The following ATP8A2 variants were observed in gnomAD, a reference collection of about 807,000 sequenced individuals.
ATP8A2 encodes phospholipid-transporting ATPase IB.
In ATP8A2, 100 loss-of-function variants were observed where a neutral mutation model predicts 165.6. The ratio of observed to expected loss-of-function variants is 0.60; its 90% CI spans 0.51 to 0.71. The LOEUF is 0.71. Among genes scored for constraint, ATP8A2 ranks in the 30% least tolerant of loss-of-function variants. The probability of loss-of-function intolerance (pLI) is 0.00; values close to 1 mark genes in which losing one functional copy is unlikely to be tolerated. For missense variants in ATP8A2, 1,227 were observed against 1,479.5 expected, an observed-to-expected ratio of 0.83 and a Z score of 2.80; for synonymous variants, 543 against 548.8, an observed-to-expected ratio of 0.99 and a Z score of 0.15.
intron 33 of ATP8A2, among the ~76,000 whole-genome samples, chr13:25,885,106 T>C (rs1953103425): frequency 9.6e-6 from 1 of 104,636 alleles, no homozygotes; most frequent in Admixed American, 1.1e-4. Context: ...CTCCGCTTGC[T>C]TTTTTTTTTT....
chr13:25,918,085 C>A (rs774309299), intron 33 of ATP8A2, among the ~76,000 whole-genome samples: 1 of 152,192 alleles, frequency 6.6e-6, no homozygotes, highest in Non-Finnish European at 1.5e-5. Flanking sequence ...TCAATGAATT[C>A]ATCACTTGTA....
intron 9 of ATP8A2, among the ~76,000 whole-genome samples, chr13:25,542,623 C>T (rs2038517670): frequency 6.6e-6 from 1 of 152,120 alleles, no homozygotes; most frequent in South Asian, 2.1e-4. Flanking sequence ...ATGCCCCCTC[C>T]AACCCTGTAA....
intron 24 of ATP8A2, among the ~76,000 whole-genome samples, chr13:25,652,627 A>T (rs76629820): frequency 0.034 from 5,250 of 152,208 alleles, 158 homozygotes; most frequent in East Asian, 0.13. Flanking sequence ...TTGTTAAGAT[A>T]ATTTCTTCTG....
At chr13:25,576,981 A>G in intron 19 of ATP8A2, 88 bp from the exon 20 acceptor site, 1 of 1,031,320 alleles carries the variant, frequency 9.7e-7, no homozygotes, top group Non-Finnish European at 1.5e-6. Flanking sequence ...GGAACCCCAG[A>G]CCCCCTTTTG....
At chr13:25,718,175 A>T (rs2043296139) in intron 25 of ATP8A2, among the ~76,000 whole-genome samples, 1 of 151,888 alleles carries the variant, frequency 6.6e-6, no homozygotes. Flanking sequence ...TAGGATAATA[A>T]CATTGGGAAA....
intron 27 of ATP8A2, among the ~76,000 whole-genome samples, chr13:25,790,105 C>A (rs1332788506): frequency 6.6e-6 from 1 of 152,010 alleles, no homozygotes; most frequent in Non-Finnish European, 1.5e-5. Flanking sequence ...AATGTAAAAC[C>A]CAAAGCTATA....
intron 24 of ATP8A2, among the ~76,000 whole-genome samples, chr13:25,645,494 C>T (rs573968198): frequency 6.6e-6 from 1 of 152,118 alleles, no homozygotes; most frequent in Non-Finnish European, 1.5e-5. Context: ...TTCCTTGAGG[C>T]ATAATATTAA....
intron 24 of ATP8A2, among the ~76,000 whole-genome samples, chr13:25,692,071 C>T (rs193032291): frequency 5.3e-5 from 8 of 152,010 alleles, no homozygotes; most frequent in East Asian, 1.9e-4. Flanking sequence ...GGGCAGGGAA[C>T]GATCTGAAGA....
At chr13:25,835,573 C>T (rs142543929) in intron 28 of ATP8A2, among the ~76,000 whole-genome samples, 48 of 152,092 alleles carry the variant, frequency 3.2e-4, no homozygotes, top group South Asian at 8.3e-4. Context: ...ATTTGAGGGA[C>T]GCTCAGCAGC....
intron 25 of ATP8A2, among the ~76,000 whole-genome samples, chr13:25,739,185 T>C (rs1384470052): frequency 6.6e-6 from 1 of 152,162 alleles, no homozygotes; most frequent in African/African-American, 2.4e-5. Context: ...TGAACTGGAG[T>C]GTCAGCCTTC....
chr13:25,539,290 C>T (rs949442565), intron 7 of ATP8A2, among the ~76,000 whole-genome samples: 1 of 151,880 alleles, frequency 6.6e-6, no homozygotes, highest in South Asian at 2.1e-4. Flanking sequence ...TGTAGAGGCT[C>T]ATTTTTAAAA....
chr13:25,653,898 G>A (rs1183854448), intron 24 of ATP8A2, among the ~76,000 whole-genome samples: 1 of 152,122 alleles, frequency 6.6e-6, no homozygotes, highest in Non-Finnish European at 1.5e-5. Context: ...GAAGAGGTGT[G>A]ATTGGCATCA....
intron 35 of ATP8A2, among the ~76,000 whole-genome samples, chr13:25,979,176 C>T (rs1402538442): frequency 6.6e-6 from 1 of 152,170 alleles, no homozygotes; most frequent in Non-Finnish European, 1.5e-5. Context: ...TGAATGACAT[C>T]ATTGGCCTTG....
intron 33 of ATP8A2, among the ~76,000 whole-genome samples, chr13:25,899,203 G>A (rs945783577): frequency 2.6e-5 from 4 of 152,186 alleles, no homozygotes; most frequent in Non-Finnish European, 4.4e-5. Flanking sequence ...TATTGCTGGC[G>A]AGCGTGGAAA....
intron 25 of ATP8A2, among the ~76,000 whole-genome samples, chr13:25,726,576 C>G (rs2043498302): frequency 1.3e-5 from 2 of 152,148 alleles, no homozygotes; most frequent in East Asian, 3.9e-4. Context: ...CTTCTGTTGT[C>G]ACATTGCTTT....
intron 1 of ATP8A2, among the ~76,000 whole-genome samples, chr13:25,398,327 T>C (rs530158539): frequency 2.0e-4 from 31 of 152,320 alleles, no homozygotes; most frequent in African/African-American, 7.2e-4. Flanking sequence ...TCTACTTTAA[T>C]GTTAATGATG....
At chr13:25,647,357 C>T (rs537221376) in intron 24 of ATP8A2, among the ~76,000 whole-genome samples, 1 of 152,290 alleles carries the variant, frequency 6.6e-6, no homozygotes, top group South Asian at 2.1e-4. Context: ...GGAAAGACAG[C>T]TTTGCTATGT....
chr13:25,558,582 GC>G (rs1163354507), intron 13 of ATP8A2, among the ~76,000 whole-genome samples: 2 of 151,998 alleles, frequency 1.3e-5, no homozygotes, highest in Non-Finnish European at 2.9e-5. Flanking sequence ...AAGTCCTGAC[GC>G]CTTTTTGGAA....
chr13:25,968,652 C>T lies in ATP8A2; in HGVS notation c.3350C>T (p.Ala1117Val), dbSNP rs368163155. 32 of 1,613,464 alleles carry T rather than the reference C, an allele frequency of 2.0e-5. No homozygotes were observed. Among genetic ancestry groups the T allele is most frequent in the Middle Eastern group, 1.6e-4 (1 of 6,084 alleles). The change falls in exon 35 of 37, where the codon GCG becomes GTG. Residue 1117 changes from alanine (A) to valine (V), a missense_variant. Physicochemically the swap from Ala to Val is moderately conservative, Grantham distance 64. Coordinates refer to ENST00000381655, the MANE Select transcript of ATP8A2 (RefSeq NM_016529.6). Reference sequence around the variant, plus strand: ...ACCAAGTCTCGAGTCCTGGGAAAAGCGGTGCTGCGGGATAGCAATGGAAAG... The same window carrying T: ...ACCAAGTCTCGAGTCCTGGGAAAAGTGGTGCTGCGGGATAGCAATGGAAAG... ...LETKSRVLGKAVLRDSNGKRL... is the reference protein window; with the variant it reads ...LETKSRVLGKVVLRDSNGKRL...
Sources: gnomAD v4.1 joint callset for allele counts (sites outside exome capture counted in the v4.1 genomes callset) on GRCh38, gnomAD v4.1.1 for gene constraint, MANE v1.5 for transcripts, NCBI Gene and HGNC (gene_info 2026-07-23, HGNC 2026-07-21) for gene names.